The following ATXN1 variants were observed in gnomAD, a reference collection of about 807,000 sequenced individuals.
ATXN1 encodes ataxin-1.
Under a neutral mutation model 56.4 loss-of-function variants are expected in ATXN1, and 8 were observed. The observed-to-expected ratio is 0.14, with a 90% confidence interval of 0.08 to 0.26. The LOEUF (loss-of-function observed/expected upper bound fraction) is 0.26. Ranked by LOEUF, ATXN1 falls within the 10% of genes least tolerant of loss-of-function variation. The probability of loss-of-function intolerance (pLI) is 1.00; values close to 1 mark genes in which losing one functional copy is unlikely to be tolerated. For synonymous variants in ATXN1, 514 were observed against 494.6 expected, an observed-to-expected ratio of 1.04 and a Z score of -0.52; for missense variants, 987 against 1,106.5, an observed-to-expected ratio of 0.89 and a Z score of 1.53.
rs1359594615 is a variant in ATXN1 at position 16,326,693 on chromosome 6, T to G, written c.1618A>C (p.Thr540Pro). ...SENFNPEALV[T>P]QAAYPAMVQA... ...ACCATGGCTGGGTAGGCGGCCTGGG[T>G]GACCAGGGCCTCAGGGTTGAAGTTC... Residue 540 changes from threonine (T) to proline (P), a missense_variant, in exon 7 of 8, where the codon ACC becomes CCC. By Grantham distance (38) the Thr-to-Pro change is conservative. Transcript: ENST00000436367. The surrounding 1 kb of genome is among the most constrained non-coding windows in gnomAD (Gnocchi z 6.6). 11 of 1,613,058 alleles carry G rather than the reference T, an allele frequency of 6.8e-6. No individual in the cohort carries two copies. Among genetic ancestry groups the G allele is most frequent in the Non-Finnish European group, 9.3e-6 (11 of 1,180,000 alleles).
intron 5 of ATXN1, among the ~76,000 whole-genome samples, chr6:16,486,930 G>A (rs555638163): frequency 2.0e-5 from 3 of 151,922 alleles, no homozygotes; most frequent in South Asian, 2.1e-4. Flanking sequence ...GTGGCACAGC[G>A]AGGCCCTGCT....
chr6:16,321,657 C>A (rs146215551), intron 7 of ATXN1, among the ~76,000 whole-genome samples: 10 of 152,324 alleles, frequency 6.6e-5, no homozygotes, highest in Middle Eastern at 3.4e-3. Context: ...TGGGACAATG[C>A]TGGGGGCATC....
chr6:16,741,823 C>T (rs1760349761), intron 2 of ATXN1, among the ~76,000 whole-genome samples: 2 of 152,192 alleles, frequency 1.3e-5, no homozygotes, highest in Admixed American at 6.5e-5. Context: ...TTGCAGCTCG[C>T]TGGGAGGAAA....
intron 6 of ATXN1, among the ~76,000 whole-genome samples, chr6:16,339,433 A>G (rs999060162): frequency 4.4e-4 from 67 of 152,166 alleles, no homozygotes; most frequent in African/African-American, 1.5e-3. Flanking sequence ...TCCAGGTGTC[A>G]CACACTGGCT....
chr6:16,471,703 G>GTGTGTT (rs1760221846), intron 6 of ATXN1, among the ~76,000 whole-genome samples: 1 of 151,982 alleles, frequency 6.6e-6, no homozygotes. Flanking sequence ...GTGTGTGTGT[G>GTGTGTT]TGTGTGTGAG....
At position 16,327,257 on chromosome 6, in the gene ATXN1, C is replaced by T. The variant is rs894652843; in HGVS notation, c.1054G>A (p.Val352Ile). 1 of 1,613,302 alleles carries T rather than the reference C, an allele frequency of 6.2e-7. No individual in the cohort carries two copies. The highest frequency in any genetic ancestry group is 8.5e-7 in the Non-Finnish European group (1 of 1,179,650). Residue 352 changes from valine to isoleucine, a missense_variant, in exon 7 of 8, where the codon GTT (valine) becomes ATT (isoleucine). Val to Ile is a conservative substitution (Grantham distance 29, BLOSUM62 3). Transcript: ENST00000436367. ...TGCCTGGACTCGTACGGGTGAGGAA[C>T]CGACTTGCCGCCTGCCTTGCCCAGG... ...LGLGKAGGKS[V>I]PHPYESRHVV...
intron 6 of ATXN1, among the ~76,000 whole-genome samples, chr6:16,479,837 TG>T (rs1365961876): frequency 1.3e-5 from 2 of 152,178 alleles, no homozygotes; most frequent in Non-Finnish European, 2.9e-5. Context: ...CCCAAGTTCT[TG>T]CTTCAACTTT....
intron 5 of ATXN1, among the ~76,000 whole-genome samples, chr6:16,493,841 C>T (rs537578489): frequency 1.3e-5 from 2 of 152,290 alleles, no homozygotes; most frequent in East Asian, 3.9e-4. Context: ...TGTGCAGTCC[C>T]TCAATGAAAT....
In ATXN1 at chr6:16,398,813, T is replaced by C. The variant is rs73724859; in HGVS notation, c.-160-70343A>G. Among the ~76,000 whole-genome samples the C allele has an allele frequency of 9.4e-3, 1,435 of 152,332 alleles. 25 individuals carry two copies. Among genetic ancestry groups the C allele is most frequent in the African/African-American group, 0.032 (1,348 of 41,564 alleles). ...TTTTCCAGTAAAAACACAACACTGC[T>C]TATGAATTGTAGCACTTGGAGAAGA... On this transcript the variant is annotated intron_variant, in intron 6 of 7. Coordinates refer to ENST00000436367, the MANE Select transcript of ATXN1 (RefSeq NM_001128164.2).
chr6:16,606,073 G>T (rs939291783), intron 3 of ATXN1, among the ~76,000 whole-genome samples: 1 of 152,130 alleles, frequency 6.6e-6, no homozygotes, highest in African/African-American at 2.4e-5. Flanking sequence ...AGGCTGCTGT[G>T]AGGTACAATC....
At chr6:16,613,040 T>C (rs1036468342) in intron 3 of ATXN1, among the ~76,000 whole-genome samples, 26 of 141,002 alleles carry the variant, frequency 1.8e-4, no homozygotes, top group African/African-American at 6.6e-4. Flanking sequence ...CCGAGGCGGG[T>C]GGATCATGAG....
intron 5 of ATXN1, among the ~76,000 whole-genome samples, chr6:16,501,518 C>T (rs1473119702): frequency 2.0e-5 from 3 of 152,114 alleles, no homozygotes; most frequent in Non-Finnish European, 4.4e-5. Flanking sequence ...TGTTCCCCTC[C>T]CTGTGTCCAT....
At position 16,664,075 on chromosome 6, in the gene ATXN1, C is replaced by A. The variant is rs1758378171; in HGVS notation, c.-614-6174G>T. ...AAAATACCAAACAGTAGTAACAGCT[C>A]AACAGCTAGGCTGCTACCACTTAAC... On this transcript the variant is annotated intron_variant, in intron 2 of 7. Transcript: ENST00000436367. 2.0e-5 allele frequency among the ~76,000 whole-genome samples: 3 copies of A among 152,280 alleles called. No individual in the cohort carries two copies. The South Asian group carries it at 6.2e-4, about 32-fold the overall frequency.
At position 16,475,055 on chromosome 6, in the gene ATXN1, C is replaced by A. The variant is rs1240707600; in HGVS notation, c.-161+10917G>T. Among the ~76,000 whole-genome samples the A allele has an allele frequency of 3.3e-5, 5 of 152,106 alleles. No individual in the cohort carries two copies. In the South Asian group the frequency reaches 6.2e-4, roughly 19 times the overall value. On this transcript the variant is annotated intron_variant, in intron 6 of 7. Coordinates refer to ENST00000436367, the MANE Select transcript of ATXN1 (RefSeq NM_001128164.2). ...TTTTTCAGAGTTCTACTCATATCAACAGCCTTTGGGAATCTCCCTACTCCT... is the reference window on the plus strand; with the variant it reads ...TTTTTCAGAGTTCTACTCATATCAAAAGCCTTTGGGAATCTCCCTACTCCT...
chr6:16,414,650 C>A (rs552515400), intron 6 of ATXN1, among the ~76,000 whole-genome samples: 3 of 152,016 alleles, frequency 2.0e-5, no homozygotes, highest in African/African-American at 4.8e-5. Flanking sequence ...ACAACAACAA[C>A]AAAAAAACGC....
At chr6:16,548,084 G>A (rs1428493585) in intron 4 of ATXN1, among the ~76,000 whole-genome samples, 1 of 152,172 alleles carries the variant, frequency 6.6e-6, no homozygotes, top group Non-Finnish European at 1.5e-5. Flanking sequence ...ACACATCTAG[G>A]CTACATGGTA....
At chr6:16,570,137 A>T (rs554957578) in intron 4 of ATXN1, among the ~76,000 whole-genome samples, 11 of 152,276 alleles carry the variant, frequency 7.2e-5, no homozygotes, top group African/African-American at 2.6e-4. Context: ...ATCTCAGGAA[A>T]TGTCCTTTAC....
rs1331683154 is a variant in ATXN1 at position 16,301,281 on chromosome 6, T to A, written c.*5048A>T. On this transcript the variant is annotated 3_prime_UTR_variant, in exon 8 of 8. Coordinates refer to ENST00000436367, the MANE Select transcript of ATXN1 (RefSeq NM_001128164.2). ...AATCAGGTGTACATTTAAAAAAAAA[T>A]TCCCACAAGGTATAGTGCTACAAGA... The A allele has an allele frequency of 2.0e-5, 3 of 152,556 alleles. No homozygotes were observed. The highest frequency in any genetic ancestry group is 6.5e-5 in the Admixed American group (1 of 15,270). 9.5% of individuals were successfully genotyped at this position (152,556 alleles called of 1,614,324 possible). A position where few individuals can be genotyped will look rare whatever the true frequency, so the allele number is the denominator to read the frequency against.
intron 2 of ATXN1, among the ~76,000 whole-genome samples, chr6:16,695,610 T>A (rs1378561898): frequency 1.3e-5 from 2 of 152,220 alleles, no homozygotes; most frequent in African/African-American, 4.8e-5. Flanking sequence ...AACAGGCCTG[T>A]CTTTCCTCCT....
Sources: gnomAD v4.1 joint callset for allele counts (sites outside exome capture counted in the v4.1 genomes callset) on GRCh38, gnomAD v4.1.1 for gene constraint, Gnocchi (gnomAD v3.1) non-coding constraint, MANE v1.5 for transcripts, NCBI Gene and HGNC (gene_info 2026-07-23, HGNC 2026-07-21) for gene names.